Variants in DMP1 observed in about 807,000 individuals in gnomAD.
DMP1 encodes dentin matrix protein 1.
Under a neutral mutation model 14.6 loss-of-function variants are expected in DMP1, and 20 were observed. The observed-to-expected ratio is 1.37, with a 90% CI of 0.96 to 1.99. DMP1 has a LOEUF of 1.99. Ranked by LOEUF, DMP1 falls within the 30% of genes most tolerant of loss-of-function variation. DMP1 has a pLI of 0.00. For synonymous variants in DMP1, 197 were observed against 215.3 expected, an observed-to-expected ratio of 0.91 and a Z score of 0.75; for missense variants, 567 against 620.5, an observed-to-expected ratio of 0.91 and a Z score of 0.92.
rs372333210 is a variant in DMP1, at chr4:87,664,278, T to C, written c.*958T>C. On this transcript the variant is annotated 3_prime_UTR_variant, in exon 6 of 6. Coordinates refer to ENST00000339673, the MANE Select transcript of DMP1 (RefSeq NM_004407.4). The stretch of plus-strand genomic sequence containing the variant: ...GCAAAATTCTGTATGTAAGATTCAA[T>C]TGATTTTTGACAAATACCATTTGAA... The C allele has an allele frequency of 7.2e-5, 11 of 152,788 alleles. No homozygotes were observed. The East Asian group carries it at 1.9e-3, about 27-fold the overall frequency. 9.5% of individuals were successfully genotyped at this position (152,788 alleles called of 1,614,324 possible). A position where few individuals can be genotyped will look rare whatever the true frequency, so the allele number is the denominator to read the frequency against.
chr4:87,664,077 T>C lies in DMP1; in HGVS notation c.*757T>C. 6.8e-6 allele frequency: 1 copy of C among 146,700 alleles called. No individual in the cohort carries two copies. Among genetic ancestry groups the C allele is most frequent in the East Asian group, 2.0e-4 (1 of 5,036 alleles). 9.1% of individuals were successfully genotyped at this position (146,700 alleles called of 1,614,324 possible). On this transcript the variant is annotated 3_prime_UTR_variant, in exon 6 of 6. Coordinates refer to ENST00000339673, the MANE Select transcript of DMP1 (RefSeq NM_004407.4). ...TTACCAATTCATCATTTTTTTTTTT[T>C]TGTAGAACTCCCATAAACATCACCT...
Position 87,662,091 on chromosome 4 carries a change from G to A in DMP1, c.313G>A (p.Asp105Asn), listed in dbSNP as rs142880465. 8.5e-5 allele frequency: 137 copies of A among 1,614,056 alleles called. No individual in the cohort carries two copies. The highest frequency in any genetic ancestry group is 1.9e-4 in the African/African-American group (14 of 74,904). Residue 105 changes from aspartate to asparagine, a missense_variant, in exon 6 of 6, where the codon GAT becomes AAT. Transcript: ENST00000339673. ...TGKGGDDKDD[D>N]EDDSGDDTFG... Reference sequence around the variant, plus strand: ...AAAAGGAGGAGATGATAAAGATGACGATGAAGATGACAGTGGAGATGACAC... The same window carrying A: ...AAAAGGAGGAGATGATAAAGATGACAATGAAGATGACAGTGGAGATGACAC...
chr4:87,661,513 C>T (rs1409448437), intron 5 of DMP1, among the ~76,000 whole-genome samples: 2 of 151,972 alleles, frequency 1.3e-5, no homozygotes, highest in African/African-American at 2.4e-5. Flanking sequence ...TGAGCCACCG[C>T]GCCCGGCCTG....
chr4:87,651,382 C>T (rs1309514203), intron 1 of DMP1, among the ~76,000 whole-genome samples: 1 of 151,964 alleles, frequency 6.6e-6, no homozygotes, highest in Non-Finnish European at 1.5e-5. Context: ...TTGGATTCAT[C>T]GTAATTGACC....
chr4:87,651,779 GAT>G (rs1204970644), intron 1 of DMP1, among the ~76,000 whole-genome samples: 8 of 152,024 alleles, frequency 5.3e-5, no homozygotes, highest in Non-Finnish European at 8.8e-5. Flanking sequence ...TGTTCTTGAA[GAT>G]AACAATACTA....
chr4:87,662,862 G>C lies in DMP1; in HGVS notation c.1084G>C (p.Glu362Gln), dbSNP rs558823933. The C allele has an allele frequency of 6.2e-7, 1 of 1,613,704 alleles. No individual in the cohort carries two copies. Among genetic ancestry groups the C allele is most frequent in the Non-Finnish European group, 8.5e-7 (1 of 1,179,654 alleles). ...SSESQEEVVS[E>Q]SRGDNPDPTT... ...TGAGTCTCAGGAAGAGGTGGTGAGT[G>C]AGTCCAGGGGAGATAACCCCGACCC... The change falls in exon 6 of 6, where the codon GAG becomes CAG. Residue 362 changes from glutamate to glutamine, a missense_variant. Transcript: ENST00000339673.
At chr4:87,659,819 T>G (rs1033674496) in intron 5 of DMP1, among the ~76,000 whole-genome samples, 3 of 152,222 alleles carry the variant, frequency 2.0e-5, no homozygotes, top group African/African-American at 7.2e-5. Context: ...AATGTTGCTT[T>G]TACAATTGGA....
intron 1 of DMP1, among the ~76,000 whole-genome samples, chr4:87,654,051 C>T (rs1391992130): frequency 6.6e-6 from 1 of 152,098 alleles, no homozygotes; most frequent in Non-Finnish European, 1.5e-5. Context: ...TGGGGTGGCC[C>T]AGCAAAGCCT....
At chr4:87,658,804 C>A in intron 3 of DMP1, 1 of 206,046 alleles carries the variant, frequency 4.9e-6, no homozygotes, top group Non-Finnish European at 9.9e-6. Flanking sequence ...TTTCCTGGAA[C>A]ACATGACTTT....
intron 5 of DMP1, among the ~76,000 whole-genome samples, chr4:87,661,320 C>T (rs1728866949): frequency 6.8e-6 from 1 of 146,832 alleles, no homozygotes; most frequent in Non-Finnish European, 1.5e-5. Flanking sequence ...CCCTGGGGTT[C>T]ACGCCATTCT....
At chr4:87,654,541 A>G (rs1335964516) in intron 1 of DMP1, among the ~76,000 whole-genome samples, 1 of 152,202 alleles carries the variant, frequency 6.6e-6, no homozygotes, top group Non-Finnish European at 1.5e-5. Flanking sequence ...AAATGAACAC[A>G]AAACTACCAG....
In DMP1 at chr4:87,659,398, TA is replaced by T. The variant is rs752347472; in HGVS notation, c.136-28del. The T allele has an allele frequency of 2.5e-6, 4 of 1,612,450 alleles. No homozygotes were observed. In the South Asian group the frequency reaches 4.4e-5, roughly 18 times the overall value. On this transcript the variant is annotated intron_variant, in intron 4 of 5. Coordinates refer to ENST00000339673, the MANE Select transcript of DMP1 (RefSeq NM_004407.4). ...GTTTTTTTCTTTCCTAAGGAATTAC[TA>T]AAAAGAAAAGTAAACATTTTTCCCC...
At chr4:87,654,638 G>A (rs1728634299) in intron 1 of DMP1, among the ~76,000 whole-genome samples, 1 of 152,116 alleles carries the variant, frequency 6.6e-6, no homozygotes. Context: ...AGAAAGGAAG[G>A]ACAGATAAAA....
chr4:87,661,267 C>CTGGAG (rs1728863102), intron 5 of DMP1, among the ~76,000 whole-genome samples: 1 of 129,286 alleles, frequency 7.7e-6, no homozygotes, highest in Non-Finnish European at 1.6e-5. Context: ...GTCGCCCAGG[C>CTGGAG]TGGAGTGCAG....
At chr4:87,661,352 G>A (rs1159382064) in intron 5 of DMP1, among the ~76,000 whole-genome samples, 4 of 151,814 alleles carry the variant, frequency 2.6e-5, no homozygotes, top group Non-Finnish European at 4.4e-5. Flanking sequence ...CTCCGGAGTA[G>A]CTGGGACTAC....
Position 87,663,051 on chromosome 4 carries a change from G to A in DMP1, c.1273G>A (p.Glu425Lys), listed in dbSNP as rs1281423942. The stretch of plus-strand genomic sequence containing the variant: ...GGAAAGCCCGGAGTCCCCTGAGGAT[G>A]AGAACAGCTCCAGCCAGGAGGGCCT... ...SEESPESPEDENSSSQEGLQS... is the reference protein window; with the variant it reads ...SEESPESPEDKNSSSQEGLQS... Residue 425 changes from glutamate (E) to lysine (K), a missense_variant, in exon 6 of 6, where the codon GAG becomes AAG. Transcript: ENST00000339673. 5.0e-6 allele frequency: 8 copies of A among 1,614,064 alleles called. No individual in the cohort carries two copies. Among genetic ancestry groups the A allele is most frequent in the Non-Finnish European group, 6.8e-6 (8 of 1,180,034 alleles).
At chr4:87,655,225 C>T (rs1728651791) in intron 1 of DMP1, among the ~76,000 whole-genome samples, 1 of 152,108 alleles carries the variant, frequency 6.6e-6, no homozygotes. Flanking sequence ...GACAAGTATG[C>T]TAGGGCAGCT....
At chr4:87,656,315 T>A (rs1206376973) in intron 1 of DMP1, among the ~76,000 whole-genome samples, 157 bp from the exon 2 acceptor site, 3 of 152,244 alleles carry the variant, frequency 2.0e-5, no homozygotes, top group Admixed American at 1.3e-4. Context: ...TCTTTATGGT[T>A]GAATAATATT....
chr4:87,652,859 T>G (rs1728560094), intron 1 of DMP1, among the ~76,000 whole-genome samples: 2 of 152,168 alleles, frequency 1.3e-5, no homozygotes, highest in South Asian at 4.1e-4. Flanking sequence ...CTTTGAAAAT[T>G]AAAATGATGA....
Sources: allele counts gnomAD v4.1 joint callset (sites outside exome capture counted in the v4.1 genomes callset), GRCh38; gene constraint gnomAD v4.1.1; transcripts MANE v1.5; gene names NCBI Gene and HGNC (gene_info 2026-07-23, HGNC 2026-07-21).